The following MSI2 variants were observed in gnomAD, a reference collection of about 807,000 sequenced individuals.
MSI2 encodes RNA-binding protein Musashi homolog 2.
A neutral mutation model predicts 45.6 loss-of-function variants in MSI2; 17 were observed. The ratio of observed to expected loss-of-function variants is 0.37; its 90% CI spans 0.26 to 0.56. The LOEUF is 0.56. Among genes scored for constraint, MSI2 ranks in the 20% least tolerant of loss-of-function variants. MSI2 has a pLI of 0.77. For missense variants in MSI2, 293 were observed against 444.2 expected, an observed-to-expected ratio of 0.66 and a Z score of 3.06; for synonymous variants, 156 against 158.2, an observed-to-expected ratio of 0.99 and a Z score of 0.11.
intron 7 of MSI2, among the ~76,000 whole-genome samples, chr17:57,564,495 G>A (rs1199215633): frequency 2.0e-5 from 3 of 152,200 alleles, no homozygotes; most frequent in Non-Finnish European, 2.9e-5. Flanking sequence ...CACGAGGTTG[G>A]GGTGATGATG....
At chr17:57,403,731 G>GGCCT (rs1451958349) in intron 6 of MSI2, among the ~76,000 whole-genome samples, 1 of 152,062 alleles carries the variant, frequency 6.6e-6, no homozygotes, top group East Asian at 1.9e-4. Context: ...TGTCCCCTTG[G>GGCCT]GCAGGACTCA....
intron 5 of MSI2, among the ~76,000 whole-genome samples, chr17:57,343,079 G>A (rs551118214): frequency 5.5e-4 from 84 of 152,312 alleles, no homozygotes; most frequent in Middle Eastern, 3.4e-3. Context: ...CACGGGTCAT[G>A]ATGACTTCTC....
intron 5 of MSI2, among the ~76,000 whole-genome samples, chr17:57,310,124 C>T (rs1435048536): frequency 6.6e-6 from 1 of 152,196 alleles, no homozygotes; most frequent in Non-Finnish European, 1.5e-5. Flanking sequence ...TCTTTCCGGC[C>T]CAGCAGGCCT....
chr17:57,261,729 T>C (rs1294804270), intron 4 of MSI2, among the ~76,000 whole-genome samples: 1 of 152,214 alleles, frequency 6.6e-6, no homozygotes, highest in Non-Finnish European at 1.5e-5. Context: ...TACCTACTGC[T>C]AGAGAATACT....
At chr17:57,273,124 C>G (rs1316505380) in intron 5 of MSI2, among the ~76,000 whole-genome samples, 2 of 152,108 alleles carry the variant, frequency 1.3e-5, no homozygotes, top group African/African-American at 4.8e-5. Flanking sequence ...TGAATCTCCA[C>G]GAGATTGCTA....
intron 6 of MSI2, among the ~76,000 whole-genome samples, chr17:57,521,890 CCTT>C (rs1167269301): frequency 3.3e-5 from 5 of 152,186 alleles, no homozygotes; most frequent in Admixed American, 6.5e-5. Context: ...CCAGTCTGCT[CCTT>C]CTTCTCCGTC....
chr17:57,584,791 G>T (rs1208113863), intron 7 of MSI2, among the ~76,000 whole-genome samples: 5 of 144,376 alleles, frequency 3.5e-5, no homozygotes, highest in African/African-American at 1.3e-4. Context: ...GATGATTTGG[G>T]TTTTTTTTTT....
intron 11 of MSI2, among the ~76,000 whole-genome samples, chr17:57,662,180 A>G (rs1172198644): frequency 6.6e-6 from 1 of 152,152 alleles, no homozygotes; most frequent in Non-Finnish European, 1.5e-5. Context: ...TTGGGATCCT[A>G]CAGAACAGGA....
At chr17:57,686,076 A>G (rs1283236250), downstream of MSI2, among the ~76,000 whole-genome samples, 7 of 152,214 alleles carry the variant, frequency 4.6e-5, no homozygotes, top group Non-Finnish European at 1.0e-4. Flanking sequence ...TAATTTGCCC[A>G]TGGTTGTATA....
intron 5 of MSI2, chr17:57,266,032 A>G (rs1336059997): frequency 1.3e-5 from 2 of 152,192 alleles, no homozygotes; most frequent in African/African-American, 4.8e-5. Flanking sequence ...TGTCTTAATT[A>G]TCCTTGTGTA....
Position 57,502,383 on chromosome 17 carries a change from A to G in MSI2, c.406-27293A>G, listed in dbSNP as rs971411505. On this transcript the variant is annotated intron_variant, in intron 6 of 13. Coordinates refer to ENST00000284073, the MANE Select transcript of MSI2 (RefSeq NM_138962.4). ...CTCATAAGCAGGATGAACTTAGCCA[A>G]ATTTCTCAGCCCTCTGGATTTCAGT... Among the ~76,000 whole-genome samples, 6 of 151,912 alleles carry G rather than the reference A, an allele frequency of 3.9e-5. 1 individual carries two copies. Among genetic ancestry groups the G allele is most frequent in the African/African-American group, 1.4e-4 (6 of 41,426 alleles).
chr17:57,667,579 G>A (rs1258872538), intron 11 of MSI2, among the ~76,000 whole-genome samples: 1 of 152,118 alleles, frequency 6.6e-6, no homozygotes, highest in Non-Finnish European at 1.5e-5. Flanking sequence ...TTCCCTTCCC[G>A]GGGCCCTCCG....
chr17:57,679,104 A>G (rs1427474219), intron 13 of MSI2, among the ~76,000 whole-genome samples: 2 of 152,224 alleles, frequency 1.3e-5, no homozygotes, highest in African/African-American at 4.8e-5. Flanking sequence ...ATCGATGGGT[A>G]TCTAATAAAG....
In MSI2 at chr17:57,681,977, T is replaced by A. The variant is rs1287319138; in HGVS notation, c.*2460T>A. 1 of 211,820 alleles carries A rather than the reference T, an allele frequency of 4.7e-6. No individual in the cohort carries two copies. The highest frequency in any genetic ancestry group is 1.9e-4 in the South Asian group (1 of 5,342). The allele number at this position is 211,820 out of a possible 1,614,324, so 13.1% of individuals were successfully genotyped here. A position where few individuals can be genotyped will look rare whatever the true frequency, so the allele number is the denominator to read the frequency against. On this transcript the variant is annotated 3_prime_UTR_variant, in exon 14 of 14. Transcript: ENST00000284073. ...CTCATAGAAGACTCTTTGTTGATCATTGTATGTTAATAATGTATAAAATGG... is the reference window on the plus strand; with the variant it reads ...CTCATAGAAGACTCTTTGTTGATCAATGTATGTTAATAATGTATAAAATGG...
intron 5 of MSI2, among the ~76,000 whole-genome samples, chr17:57,334,290 G>T (rs1567763521): frequency 6.6e-6 from 1 of 152,136 alleles, no homozygotes; most frequent in East Asian, 1.9e-4. Context: ...AAATCTGAGG[G>T]TTGGATGAAA....
chr17:57,675,971 T>C (rs1255339340), intron 12 of MSI2, among the ~76,000 whole-genome samples: 1 of 151,796 alleles, frequency 6.6e-6, no homozygotes, highest in African/African-American at 2.4e-5. Context: ...CCTTCCATTT[T>C]GGAAACAGAA....
intron 5 of MSI2, among the ~76,000 whole-genome samples, chr17:57,297,031 C>T (rs1443679258): frequency 6.6e-6 from 1 of 152,120 alleles, no homozygotes; most frequent in Non-Finnish European, 1.5e-5. Context: ...CGCGCCACCA[C>T]ACCTGGCTAA....
At chr17:57,511,456 C>T (rs139729657) in intron 6 of MSI2, among the ~76,000 whole-genome samples, 2 of 152,300 alleles carry the variant, frequency 1.3e-5, no homozygotes, top group African/African-American at 4.8e-5. Flanking sequence ...TCTTTCCTTC[C>T]TGCGTGCCTT....
At chr17:57,685,260 T>C (rs1418447210), downstream of MSI2, among the ~76,000 whole-genome samples, 1 of 152,156 alleles carries the variant, frequency 6.6e-6, no homozygotes, top group Admixed American at 6.5e-5. Context: ...TACAAAAGAA[T>C]TGAGACCCAG....
Sources: allele counts gnomAD v4.1 joint callset (sites outside exome capture counted in the v4.1 genomes callset), GRCh38; gene constraint gnomAD v4.1.1; transcripts MANE v1.5; gene names NCBI Gene and HGNC (gene_info 2026-07-23, HGNC 2026-07-21).